Variants in THEMIS observed in about 807,000 individuals in gnomAD.
The protein encoded by THEMIS is thymocyte selection associated, also known as protein THEMIS.
Under a neutral mutation model 52.6 loss-of-function variants are expected in THEMIS, and 37 were observed. That is an observed-to-expected ratio of 0.70 (90% confidence interval 0.54 to 0.93). The LOEUF (loss-of-function observed/expected upper bound fraction) is 0.93. THEMIS is among the 40% of genes least tolerant of loss of function. The probability of loss-of-function intolerance (pLI) is 0.00; values close to 1 mark genes in which losing one functional copy is unlikely to be tolerated. For synonymous variants in THEMIS, 292 were observed against 272.7 expected, an observed-to-expected ratio of 1.07 and a Z score of -0.70; for missense variants, 808 against 763.1, an observed-to-expected ratio of 1.06 and a Z score of -0.69.
intron 4 of THEMIS, among the ~76,000 whole-genome samples, chr6:127,804,744 T>C (rs566774583): frequency 4.4e-4 from 67 of 152,280 alleles, no homozygotes; most frequent in African/African-American, 1.3e-3. Context: ...TGGATAACAA[T>C]TGAGAAAACA....
intron 5 of THEMIS, 116 bp from the exon 6 acceptor site, chr6:127,710,132 T>C (rs1373891433): frequency 3.3e-6 from 2 of 614,134 alleles, no homozygotes; most frequent in East Asian, 6.6e-5. Context: ...TGAGAAACGG[T>C]TGGAAGCAAA....
upstream of THEMIS, among the ~76,000 whole-genome samples, chr6:127,902,513 C>T (rs1222247621): frequency 6.6e-6 from 1 of 151,906 alleles, no homozygotes; most frequent in Admixed American, 6.6e-5. Flanking sequence ...CCATGGCCAT[C>T]ATGTAAATGA....
chr6:127,716,389 T>C (rs901033938), intron 5 of THEMIS, among the ~76,000 whole-genome samples: 1 of 151,856 alleles, frequency 6.6e-6, no homozygotes, highest in African/African-American at 2.4e-5. Context: ...TTGTACCAAA[T>C]GGCTGCGCCC....
At chr6:127,862,094 G>A (rs557337451) in intron 1 of THEMIS, among the ~76,000 whole-genome samples, 3 of 152,214 alleles carry the variant, frequency 2.0e-5, no homozygotes, top group African/African-American at 7.2e-5. Context: ...CAAGGATGTA[G>A]TCTCAAGGAG....
chr6:127,811,918 T>C (rs530305862), intron 4 of THEMIS, among the ~76,000 whole-genome samples: 73 of 152,356 alleles, frequency 4.8e-4, no homozygotes, highest in Middle Eastern at 3.4e-3. Context: ...TGGATTTCCC[T>C]AGCTACAATC....
chr6:127,754,131 T>C (rs1473234839), intron 4 of THEMIS, among the ~76,000 whole-genome samples: 1 of 152,046 alleles, frequency 6.6e-6, no homozygotes, highest in Non-Finnish European at 1.5e-5. Context: ...TTATTTCACA[T>C]TTTTTAAATG....
At position 127,745,502 on chromosome 6, in the gene THEMIS, T is replaced by C. The variant is rs1775356997; in HGVS notation, c.1759-25679A>G. Among the ~76,000 whole-genome samples the C allele has an allele frequency of 2.6e-5, 4 of 152,008 alleles. No individual in the cohort carries two copies. The South Asian group carries it at 8.3e-4, about 31-fold the overall frequency. On this transcript the variant is annotated intron_variant, in intron 4 of 5. Transcript: ENST00000368248. ...TATGGATATGGCATTACAATGTACC[T>C]GTACTACGATATCAAACTACAAGTA...
At chr6:127,873,936 C>A (rs765849493) in intron 1 of THEMIS, among the ~76,000 whole-genome samples, 3 of 152,204 alleles carry the variant, frequency 2.0e-5, no homozygotes, top group African/African-American at 4.8e-5. Flanking sequence ...AAATGGTGGG[C>A]AGCCATGGCT....
upstream of THEMIS, among the ~76,000 whole-genome samples, chr6:127,902,340 A>AT (rs1426028936): frequency 1.7e-3 from 216 of 127,488 alleles, no homozygotes; most frequent in Middle Eastern, 7.1e-3. Flanking sequence ...AAAAAAAAAA[A>AT]AAAAATAAAG....
At chr6:127,702,206 A>G in the THEMIS span, among the ~76,000 whole-genome samples, 1 of 152,030 alleles carries the variant, frequency 6.6e-6, no homozygotes, top group Non-Finnish European at 1.5e-5. Context: ...TTGTCACCCC[A>G]TCTTCCAGCT....
rs1281776629 is a variant in THEMIS, at chr6:127,888,455, A to C, written c.91+12387T>G. Among the ~76,000 whole-genome samples the C allele has an allele frequency of 2.0e-5, 3 of 152,198 alleles. No individual in the cohort carries two copies. In the East Asian group the frequency reaches 5.8e-4, roughly 29 times the overall value. On this transcript the variant is annotated intron_variant, in intron 1 of 5. Transcript: ENST00000368248. ...GTTGTGGGAAATTATGGGGTTCCCT[A>C]TAAAGCATGGGGAAAAGGAATTTGG...
chr6:127,854,939 A>G, intron 2 of THEMIS, 91 bp downstream of exon 2: 1 of 1,177,932 alleles, frequency 8.5e-7, no homozygotes, highest in Non-Finnish European at 1.1e-6. Context: ...AGTGAAAAAC[A>G]GACCATTTTT....
chr6:127,854,870 A>G (rs1009562981), intron 2 of THEMIS, among the ~76,000 whole-genome samples, 160 bp downstream of exon 2: 3 of 151,878 alleles, frequency 2.0e-5, no homozygotes, highest in Non-Finnish European at 4.4e-5. Context: ...GTTGCTTTCC[A>G]TTCGTTCTTA....
chr6:127,813,414 A>C lies in THEMIS; in HGVS notation c.1227T>G (p.Asn409Lys). 1.2e-6 allele frequency: 2 copies of C among 1,613,940 alleles called. No homozygotes were observed. Among genetic ancestry groups the C allele is most frequent in the Non-Finnish European group, 1.7e-6 (2 of 1,179,958 alleles). ...TGAGGATTTTTTCACAGGCCAGAAC[A>C]TTCACCACTTTTTTTATTCCCTCAC... ...VLCEGIKKVV[N>K]VLACEKILKK... The change falls in exon 4 of 6, where the codon AAT becomes AAG. Residue 409 changes from asparagine (N) to lysine (K), a missense_variant. Physicochemically the swap from Asn to Lys is moderately conservative, Grantham distance 94 (BLOSUM62 0). Transcript: ENST00000368248.
intron 4 of THEMIS, among the ~76,000 whole-genome samples, chr6:127,757,981 T>A (rs533079379): frequency 2.0e-5 from 3 of 151,862 alleles, no homozygotes; most frequent in Non-Finnish European, 4.4e-5. Flanking sequence ...TATATTCACA[T>A]ACGAATATGT....
At chr6:127,900,751 T>C (rs1452945022) in intron 1 of THEMIS, 91 bp downstream of exon 1, 15 of 1,062,856 alleles carry the variant, frequency 1.4e-5, no homozygotes, top group Non-Finnish European at 1.9e-5. Context: ...AGAACTCACA[T>C]ATTTGCTGTT....
At chr6:127,846,939 A>T (rs757808481) in intron 2 of THEMIS, among the ~76,000 whole-genome samples, 1 of 152,002 alleles carries the variant, frequency 6.6e-6, no homozygotes, top group Non-Finnish European at 1.5e-5. Context: ...ATAATACATC[A>T]TTATCACATG....
chr6:127,775,266 C>T (rs975934751), intron 4 of THEMIS, among the ~76,000 whole-genome samples: 1 of 152,176 alleles, frequency 6.6e-6, no homozygotes, highest in African/African-American at 2.4e-5. Flanking sequence ...TGAGCAGTGT[C>T]TGTTCCTTTC....
At chr6:127,786,568 A>G (rs925869644) in intron 4 of THEMIS, among the ~76,000 whole-genome samples, 1 of 152,176 alleles carries the variant, frequency 6.6e-6, no homozygotes, top group African/African-American at 2.4e-5. Context: ...GTTTTCTTGA[A>G]TGAGCTTTCT....
Sources: gnomAD v4.1 joint callset for allele counts (sites outside exome capture counted in the v4.1 genomes callset) on GRCh38, gnomAD v4.1.1 for gene constraint, MANE v1.5 for transcripts, NCBI Gene and HGNC (gene_info 2026-07-23, HGNC 2026-07-21) for gene names.